The following SLIT3 variants were observed in gnomAD, a reference collection of about 807,000 sequenced individuals.
SLIT3 encodes slit homolog 3 protein.
A neutral mutation model predicts 184.0 loss-of-function variants in SLIT3; 68 were observed. That is an observed-to-expected ratio of 0.37 (90% CI 0.30 to 0.45). SLIT3 has a LOEUF of 0.45. SLIT3 is among the 20% of genes least tolerant of loss of function. SLIT3 has a pLI of 1.00. For synonymous variants in SLIT3, 831 were observed against 828.6 expected, an observed-to-expected ratio of 1.00 and a Z score of -0.05; for missense variants, 1,707 against 2,026.0, an observed-to-expected ratio of 0.84 and a Z score of 3.02.
intron 4 of SLIT3, among the ~76,000 whole-genome samples, chr5:169,054,016 G>A (rs185804557): frequency 1.8e-3 from 268 of 152,100 alleles, no homozygotes; most frequent in South Asian, 3.5e-3. Context: ...TCTTGAACCC[G>A]GGAGGCAGAG....
At chr5:168,918,939 T>G (rs1195975655) in intron 4 of SLIT3, among the ~76,000 whole-genome samples, 1 of 152,206 alleles carries the variant, frequency 6.6e-6, no homozygotes, top group Admixed American at 6.5e-5. Context: ...TCATGCCCTT[T>G]GCCCCAGACA....
chr5:168,949,558 C>A (rs933092609), intron 4 of SLIT3, among the ~76,000 whole-genome samples: 1 of 152,094 alleles, frequency 6.6e-6, no homozygotes, highest in Non-Finnish European at 1.5e-5. Flanking sequence ...GACAAAAGAC[C>A]CAAAGAACAA....
intron 4 of SLIT3, among the ~76,000 whole-genome samples, chr5:169,133,818 A>G (rs1761395088): frequency 6.6e-6 from 1 of 152,230 alleles, no homozygotes; most frequent in Admixed American, 6.5e-5. Context: ...AGGGAGGAAG[A>G]AAATCTACCC....
chr5:168,728,762 TAA>T (rs1038216847), intron 20 of SLIT3, among the ~76,000 whole-genome samples: 1 of 151,210 alleles, frequency 6.6e-6, no homozygotes, highest in African/African-American at 2.4e-5. Flanking sequence ...TTACAAAAAA[TAA>T]AAAGTCAGCT....
intron 4 of SLIT3, among the ~76,000 whole-genome samples, chr5:169,042,250 A>T (rs1486261304): frequency 2.0e-5 from 3 of 152,210 alleles, no homozygotes; most frequent in African/African-American, 7.2e-5. Flanking sequence ...ATTAGAAAAA[A>T]GTCCTGAGAA....
chr5:168,670,219 A>G (rs1761194951), intron 34 of SLIT3, among the ~76,000 whole-genome samples: 1 of 152,220 alleles, frequency 6.6e-6, no homozygotes, highest in Non-Finnish European at 1.5e-5. Context: ...CTGTGACCAC[A>G]GCAGAGGCTG....
chr5:168,747,570 G>T (rs1373734591), intron 20 of SLIT3, among the ~76,000 whole-genome samples: 1 of 152,146 alleles, frequency 6.6e-6, no homozygotes, highest in Non-Finnish European at 1.5e-5. Flanking sequence ...TTCCAGGGAG[G>T]CCCCCTCACT....
At chr5:168,720,114 C>T (rs1762892525) in intron 23 of SLIT3, 1 of 152,124 alleles carries the variant, frequency 6.6e-6, no homozygotes, top group Non-Finnish European at 1.5e-5. Context: ...CAGGGTTTCA[C>T]TATGTTGCCC....
At chr5:168,842,468 C>CTTTTTTTTTTTTTTTTTT (rs1561962519) in intron 6 of SLIT3, among the ~76,000 whole-genome samples, 1 of 61,318 alleles carries the variant, frequency 1.6e-5, no homozygotes, top group African/African-American at 1.2e-4. Context: ...ACCGTTTTTT[C>CTTTTTTTTTTTTTTTTTT]GTTTTTTTTT....
chr5:168,938,994 G>C (rs971301284), intron 4 of SLIT3, among the ~76,000 whole-genome samples: 7 of 152,144 alleles, frequency 4.6e-5, no homozygotes, highest in Admixed American at 3.9e-4. Flanking sequence ...ACAGTGGAAG[G>C]CATGATAGAG....
chr5:169,204,263 TG>T (rs1413701574), intron 3 of SLIT3, among the ~76,000 whole-genome samples: 2 of 151,944 alleles, frequency 1.3e-5, no homozygotes, highest in East Asian at 3.9e-4. Context: ...AGGATAACAT[TG>T]GGTTGGGCAA....
intron 4 of SLIT3, among the ~76,000 whole-genome samples, chr5:169,172,923 T>C (rs1174672306): frequency 1.3e-5 from 2 of 152,138 alleles, no homozygotes; most frequent in Non-Finnish European, 2.9e-5. Context: ...GTCTTTCTAA[T>C]AAATAAGACC....
intron 1 of SLIT3, among the ~76,000 whole-genome samples, chr5:169,278,649 A>G (rs936598044): frequency 6.6e-6 from 1 of 152,204 alleles, no homozygotes; most frequent in Admixed American, 6.5e-5. Context: ...GGTCTGTGGG[A>G]AAACAGAAGT....
chr5:169,190,339 G>A (rs1323360601), intron 4 of SLIT3, among the ~76,000 whole-genome samples: 2 of 152,214 alleles, frequency 1.3e-5, no homozygotes, highest in African/African-American at 2.4e-5. Flanking sequence ...AGGGAGTGAA[G>A]GAGCAAGATG....
chr5:169,106,874 G>A (rs750765340), intron 4 of SLIT3, among the ~76,000 whole-genome samples: 1 of 152,210 alleles, frequency 6.6e-6, no homozygotes, highest in Non-Finnish European at 1.5e-5. Flanking sequence ...AAGAGAGAGA[G>A]CTGGGGAGAC....
intron 20 of SLIT3, among the ~76,000 whole-genome samples, chr5:168,747,810 A>G (rs1199831328): frequency 6.6e-6 from 1 of 152,076 alleles, no homozygotes; most frequent in African/African-American, 2.4e-5. Flanking sequence ...CTCATCTGTA[A>G]AATGGGGCCG....
intron 5 of SLIT3, among the ~76,000 whole-genome samples, chr5:168,877,319 G>A (rs1308691335): frequency 6.6e-6 from 1 of 152,168 alleles, no homozygotes; most frequent in Non-Finnish European, 1.5e-5. Flanking sequence ...GTCTGAGGGT[G>A]TAGCATCTTA....
At chr5:168,935,874 TGTTTAA>T (rs749078317) in intron 4 of SLIT3, among the ~76,000 whole-genome samples, 63 of 152,356 alleles carry the variant, frequency 4.1e-4, no homozygotes, top group Non-Finnish European at 6.6e-4. Context: ...GTCTGATTTT[TGTTTAA>T]AGAATATTCT....
intron 4 of SLIT3, among the ~76,000 whole-genome samples, chr5:169,128,247 CATTTATATATATATACATATATAT>C (rs970240528): frequency 1.2e-4 from 17 of 147,182 alleles, no homozygotes; most frequent in African/African-American, 4.2e-4. Context: ...CACACACACA[CATTTATATATATATACATATATAT>C]ATTTATATAT....
Sources: gnomAD v4.1 joint callset for allele counts (sites outside exome capture counted in the v4.1 genomes callset) on GRCh38, gnomAD v4.1.1 for gene constraint, MANE v1.5 for transcripts, NCBI Gene and HGNC (gene_info 2026-07-23, HGNC 2026-07-21) for gene names.